The following CIAO2A variants were observed in gnomAD, a reference collection of about 807,000 sequenced individuals.
CIAO2A encodes the protein cytosolic iron-sulfur assembly component 2A, also known as MIP18 family protein FAM96A.
CIAO2A carries 17 observed loss-of-function variants against 22.4 expected under a neutral mutation model. That is an observed-to-expected ratio of 0.76 (90% CI 0.52 to 1.14). The LOEUF (loss-of-function observed/expected upper bound fraction) is 1.14, where lower values mean the gene tolerates loss of function less well. CIAO2A is among the 50% of genes most tolerant of loss of function. The probability of loss-of-function intolerance (pLI) is 0.00; values close to 1 mark genes in which losing one functional copy is unlikely to be tolerated. For missense variants in CIAO2A, 192 were observed against 191.4 expected (o/e 1.00, Z -0.02); for synonymous variants, 74 against 72.3 (o/e 1.02, Z -0.12).
At chr15:64,081,034 G>T in intron 3 of CIAO2A, 68 bp downstream of exon 3, 2 of 1,428,126 alleles carry the variant, frequency 1.4e-6, no homozygotes, top group Non-Finnish European at 2.0e-6. Flanking sequence ...GAATTGTGTG[G>T]TATGTGAATT....
intron 1 of CIAO2A, among the ~76,000 whole-genome samples, chr15:64,092,168 T>C (rs1031886466): frequency 6.6e-6 from 1 of 152,106 alleles, no homozygotes; most frequent in Non-Finnish European, 1.5e-5. Context: ...TCTTCATTTA[T>C]ATTTAAAACC....
At position 64,093,712 on chromosome 15, in the gene CIAO2A, G is replaced by GGAGA; in HGVS notation, c.53_56dup (p.Gly20LeufsTer5). On this transcript the variant is annotated frameshift_variant, in exon 1 of 5. Coordinates refer to ENST00000300030, the MANE Select transcript of CIAO2A (RefSeq NM_032231.7). LOFTEE classifies it high-confidence loss of function. ...GGGCAGCTCCCGGCTCAGAGAGGCC[G>GGAGA]GAGAGCCACAGGACTCTGCTCAGCG... 6.2e-7 allele frequency: 1 copy of GGAGA among 1,614,028 alleles called. No homozygotes were observed. Among genetic ancestry groups the GGAGA allele is most frequent in the East Asian group, 2.2e-5 (1 of 44,880 alleles).
intron 4 of CIAO2A, among the ~76,000 whole-genome samples, chr15:64,074,155 T>C (rs1347973388): frequency 6.6e-6 from 1 of 152,238 alleles, no homozygotes; most frequent in African/African-American, 2.4e-5. Context: ...CATTATGTTT[T>C]CTGTAATTAG....
At chr15:64,093,108 C>A (rs989220241) in intron 1 of CIAO2A, among the ~76,000 whole-genome samples, 1 of 152,252 alleles carries the variant, frequency 6.6e-6, no homozygotes, top group African/African-American at 2.4e-5. Flanking sequence ...TACACAAGGC[C>A]TTGCTACAAG....
intron 4 of CIAO2A, chr15:64,074,688 G>A (rs1020219261): frequency 2.0e-5 from 3 of 152,134 alleles, no homozygotes; most frequent in African/African-American, 7.2e-5. Flanking sequence ...GAAGCAGCAG[G>A]CTTCCCTCTC....
At chr15:64,087,798 C>A (rs1380395187) in intron 2 of CIAO2A, among the ~76,000 whole-genome samples, 1 of 152,130 alleles carries the variant, frequency 6.6e-6, no homozygotes, top group East Asian at 1.9e-4. Context: ...CCACCCTTTC[C>A]CCCATCTGCC....
In CIAO2A at chr15:64,075,683, C is replaced by G. The variant is rs374988339; in HGVS notation, c.340-146G>C. ...TTTTTTTTTTTGAGATGGAGTCTCA[C>G]CCTGTTGCCCAGGCTGGAGTGCAGT... On this transcript the variant is annotated intron_variant, in intron 3 of 4. Transcript: ENST00000300030. The G allele has an allele frequency of 2.2e-4, 107 of 492,534 alleles. No individual in the cohort carries two copies. The East Asian group carries it at 3.4e-3, about 15-fold the overall frequency. The allele number at this position is 492,534 out of a possible 1,614,324, so 30.5% of individuals were successfully genotyped here.
At chr15:64,080,903 T>C (rs1044699434) in intron 3 of CIAO2A, among the ~76,000 whole-genome samples, 199 bp downstream of exon 3, 1 of 152,088 alleles carries the variant, frequency 6.6e-6, no homozygotes, top group Non-Finnish European at 1.5e-5. Flanking sequence ...ACACAAAAAC[T>C]TATACATGAA....
intron 1 of CIAO2A, among the ~76,000 whole-genome samples, chr15:64,092,925 A>G (rs1035644297): frequency 6.6e-6 from 1 of 152,248 alleles, no homozygotes; most frequent in East Asian, 1.9e-4. Flanking sequence ...TAGAACCAGT[A>G]GGCACAGCCT....
intron 1 of CIAO2A, 127 bp downstream of exon 1, chr15:64,093,514 AAAAC>A (rs752283548): frequency 5.3e-4 from 615 of 1,167,190 alleles, no homozygotes; most frequent in South Asian, 1.0e-3. Flanking sequence ...GATCTGGCCA[AAAAC>A]AAACAAACAA....
chr15:64,076,590 T>C (rs1035831395), intron 3 of CIAO2A, among the ~76,000 whole-genome samples: 5 of 152,160 alleles, frequency 3.3e-5, no homozygotes, highest in African/African-American at 1.2e-4. Flanking sequence ...AGACGTCTAC[T>C]TTCCAGAGAA....
Position 64,093,806 on chromosome 15 carries a change from C to G in CIAO2A, c.-38G>C. On this transcript the variant is annotated 5_prime_UTR_variant, in exon 1 of 5. Coordinates refer to ENST00000300030, the MANE Select transcript of CIAO2A (RefSeq NM_032231.7). ...CCATCCCTGGCGACTGTCCCAATCGCGCCACCGTCTCTCAGCAGCCTCGGG... is the reference window on the plus strand; with the variant it reads ...CCATCCCTGGCGACTGTCCCAATCGGGCCACCGTCTCTCAGCAGCCTCGGG... The G allele has an allele frequency of 6.3e-7, 1 of 1,597,494 alleles. No homozygotes were observed. The highest frequency in any genetic ancestry group is 8.6e-7 in the Non-Finnish European group (1 of 1,167,744).
intron 2 of CIAO2A, among the ~76,000 whole-genome samples, chr15:64,085,421 C>G (rs984178927): frequency 1.3e-5 from 2 of 151,988 alleles, no homozygotes; most frequent in African/African-American, 4.8e-5. Flanking sequence ...TCACTTGAGC[C>G]CGGGAGGTGG....
At chr15:64,081,613 C>A (rs1046727027) in intron 2 of CIAO2A, among the ~76,000 whole-genome samples, 2 of 147,684 alleles carry the variant, frequency 1.4e-5, no homozygotes, top group Admixed American at 1.4e-4. Context: ...TCTCGGCTCA[C>A]TGCAACCTCC....
At chr15:64,081,065 TACAACAACA>T in intron 3 of CIAO2A, 28 bp downstream of exon 3, 1 of 1,595,714 alleles carries the variant, frequency 6.3e-7, no homozygotes, top group Non-Finnish European at 8.6e-7. Flanking sequence ...AAAGCTGTTT[TACAACAACA>T]ACAACAACAA....
Position 64,076,723 on chromosome 15 carries a change from C to CTT in CIAO2A, c.340-1188_340-1187dup, listed in dbSNP as rs556233822. On this transcript the variant is annotated intron_variant, in intron 3 of 4. Transcript: ENST00000300030. ...GACCTTAAAGGTCATCTAGTCCAAT[C>CTT]TTTTTTTTTTTTTTTTTTTTGAGAC... Among the ~76,000 whole-genome samples the CTT allele has an allele frequency of 2.3e-3, 264 of 115,144 alleles. 1 individual carries two copies. Among genetic ancestry groups the CTT allele is most frequent in the African/African-American group, 7.3e-3 (254 of 34,952 alleles). 75.5% of individuals were successfully genotyped at this position (115,144 alleles called of 152,430 possible).
At chr15:64,074,990 T>A (rs1296029758) in intron 4 of CIAO2A, 1 of 152,216 alleles carries the variant, frequency 6.6e-6, no homozygotes, top group African/African-American at 2.4e-5. Flanking sequence ...GTTTTTTGCT[T>A]TTCCCAAACC....
In CIAO2A at chr15:64,093,722, A is replaced by T; in HGVS notation, c.47T>A (p.Leu16Gln). 1 of 1,614,026 alleles carries T rather than the reference A, an allele frequency of 6.2e-7. No homozygotes were observed. The highest frequency in any genetic ancestry group is 8.5e-7 in the Non-Finnish European group (1 of 1,179,922). ...GLLSWTLSRV[L>Q]WLSGLSEPGA... ...CGGCTCAGAGAGGCCGGAGAGCCAC[A>T]GGACTCTGCTCAGCGTCCAGGAGAG... The change falls in exon 1 of 5, where the codon CTG becomes CAG. Residue 16 changes from leucine to glutamine, a missense_variant. Coordinates refer to ENST00000300030, the MANE Select transcript of CIAO2A (RefSeq NM_032231.7).
At chr15:64,080,365 C>T (rs558711453) in intron 3 of CIAO2A, among the ~76,000 whole-genome samples, 11 of 148,310 alleles carry the variant, frequency 7.4e-5, no homozygotes, top group Middle Eastern at 7.8e-3. Context: ...TCCAGCCTGG[C>T]GACAGGGCAA....
Sources: gnomAD v4.1 joint callset for allele counts (sites outside exome capture counted in the v4.1 genomes callset) on GRCh38, gnomAD v4.1.1 for gene constraint, MANE v1.5 for transcripts, NCBI Gene and HGNC (gene_info 2026-07-23, HGNC 2026-07-21) for gene names.